Variants in PHLDB3 observed in about 807,000 individuals in gnomAD.
PHLDB3 encodes the protein pleckstrin homology-like domain family B member 3.
PHLDB3 carries 86 observed loss-of-function variants against 85.7 expected under a neutral mutation model. The ratio of observed to expected loss-of-function variants is 1.00; its 90% confidence interval spans 0.84 to 1.20. The LOEUF is 1.20. PHLDB3 is among the 50% of genes most tolerant of loss of function. PHLDB3 has a pLI of 0.00. For synonymous variants in PHLDB3, 376 were observed against 349.8 expected, an observed-to-expected ratio of 1.07 and a Z score of -0.83; for missense variants, 995 against 873.0, an observed-to-expected ratio of 1.14 and a Z score of -1.76.
chr19:43,496,016 CT>C (rs199561319), intron 6 of PHLDB3: 31,920 of 139,926 alleles, frequency 0.23, 3,485 homozygotes, highest in East Asian at 0.4. Flanking sequence ...AAGAAAAGCT[CT>C]TTTTTTTTTT....
chr19:43,499,968 G>A (rs1009729230), intron 4 of PHLDB3, among the ~76,000 whole-genome samples: 4 of 151,938 alleles, frequency 2.6e-5, no homozygotes, highest in African/African-American at 9.7e-5. Flanking sequence ...CTCGAACTGC[G>A]GTGGCTCATA....
rs747241270 is a variant in PHLDB3, at chr19:43,487,104, C to G, written c.1169G>C (p.Arg390Thr). 3 of 1,565,534 alleles carry G rather than the reference C, an allele frequency of 1.9e-6. No homozygotes were observed. The highest frequency in any genetic ancestry group is 2.6e-6 in the Non-Finnish European group (3 of 1,154,530). ...CCTTTTCCGGGGCAGGCTCCCAGTC[C>G]TCTGGAGGCCAATGGAGCCCTGAAA... ...SSLQGSIGLQ[R>T]TGSLPRKRGE... is the part of the protein sequence containing the mutation. The change falls in exon 10 of 16, where the codon AGG becomes ACG. Residue 390 changes from arginine (R) to threonine (T), a missense_variant. Physicochemically the swap from Arg to Thr is moderately conservative, Grantham distance 71. Coordinates refer to ENST00000292140, the MANE Select transcript of PHLDB3 (RefSeq NM_198850.4).
rs758631886 is a variant in PHLDB3, at chr19:43,495,601, C to T, written c.845G>A (p.Arg282Gln). The T allele has an allele frequency of 6.8e-6, 11 of 1,609,548 alleles. No homozygotes were observed. The highest frequency in any genetic ancestry group is 5.3e-5 in the African/African-American group (4 of 74,818). ...GAGCTGCTCTTCCAGGACCCGGATC[C>T]GGTGCTGCAGAGCACCCCTCTGTCC... is the stretch of plus-strand genomic sequence containing the variant. ...AQHRRGALQH[R>Q]IRVLEEQLKS... Residue 282 changes from arginine to glutamine, a missense_variant, in exon 7 of 16, where the codon CGG becomes CAG. Coordinates refer to ENST00000292140, the MANE Select transcript of PHLDB3 (RefSeq NM_198850.4).
At position 43,486,845 on chromosome 19, in the gene PHLDB3, C is replaced by T. The variant is rs116010541; in HGVS notation, c.1275G>A (p.Pro425=). ...CTESLEASAL[P]PAVGDSGRYP... ...ATCTGCCGGAGTCCCCCACTGCTGG[C>T]GGGAGAGCTGAGGCCTCCAGGGATT... The change falls in exon 11 of 16, where the codon CCG becomes CCA. Residue 425 remains proline (P), a synonymous_variant. Transcript: ENST00000292140. The T allele has an allele frequency of 1.1e-3, 1,705 of 1,573,016 alleles. 12 individuals carry two copies. The African/African-American group carries it at 0.02, about 19-fold the overall frequency.
rs1195957995 is a variant in PHLDB3 at position 43,497,759 on chromosome 19, C to A, written c.652G>T (p.Gly218Cys). 1 of 1,552,012 alleles carries A rather than the reference C, an allele frequency of 6.4e-7. No individual in the cohort carries two copies. Among genetic ancestry groups the A allele is most frequent in the Non-Finnish European group, 8.7e-7 (1 of 1,147,238 alleles). The change falls in exon 5 of 16, where the codon GGT becomes TGT. Residue 218 changes from glycine (G) to cysteine (C), a missense_variant. Coordinates refer to ENST00000292140, the MANE Select transcript of PHLDB3 (RefSeq NM_198850.4). ...PEDQRERLLQ[G>C]VQEMREQLDV... ...CCAGATGCCATTACCTCCTGCACAC[C>A]CTGCAGAAGCCGCTCGCGTTGGTCC...
At chr19:43,487,222 C>A in intron 9 of PHLDB3, 99 bp from the exon 10 acceptor site, 2 of 925,028 alleles carry the variant, frequency 2.2e-6, no homozygotes, top group South Asian at 2.9e-5. Context: ...CAGCACAAAT[C>A]AAAACACTAC....
chr19:43,490,248 T>G (rs1304864415), intron 9 of PHLDB3, among the ~76,000 whole-genome samples: 1 of 151,784 alleles, frequency 6.6e-6, no homozygotes, highest in Non-Finnish European at 1.5e-5. Flanking sequence ...ATTTAGGGGT[T>G]AAGGGGAATC....
chr19:43,479,444 G>A lies in PHLDB3; in HGVS notation c.1635C>T (p.Arg545=), dbSNP rs754440570. Residue 545 remains arginine (R), a synonymous_variant, in exon 14 of 16, where the codon CGC becomes CGT. Coordinates refer to ENST00000292140, the MANE Select transcript of PHLDB3 (RefSeq NM_198850.4). ...ACCATCGCTTCCTCCAGGTCTTGAT[G>A]CGGCCGCCCATCTTCACCAGGGGTC... ...CRGPLVKMGG[R]IKTWRKRWFC... 24 of 1,566,784 alleles carry A rather than the reference G, an allele frequency of 1.5e-5. No homozygotes were observed. The highest frequency in any genetic ancestry group is 1.9e-5 in the Admixed American group (1 of 52,950).
In PHLDB3 at chr19:43,487,030, A is replaced by C; in HGVS notation, c.1243T>G (p.Cys415Gly). The C allele has an allele frequency of 6.4e-7, 1 of 1,566,664 alleles. No individual in the cohort carries two copies. The highest frequency in any genetic ancestry group is 8.6e-7 in the Non-Finnish European group (1 of 1,159,072). The change falls in exon 10 of 16, where the codon TGT becomes GGT. Residue 415 changes from cysteine (C) to glycine (G), a missense_variant. Physicochemically the swap from Cys to Gly is radical, Grantham distance 159 (BLOSUM62 -3). Coordinates refer to ENST00000292140, the MANE Select transcript of PHLDB3 (RefSeq NM_198850.4). ...GGAACAGGGGGATCCTCACCAGTAC[A>C]ATGGAAGGACAGAGGTCGGGGGGAT... is the stretch of plus-strand genomic sequence containing the variant. ...RGSPRPLSFH[C>G]TESLEASALP...
chr19:43,481,475 A>G (rs1216275406), intron 13 of PHLDB3, among the ~76,000 whole-genome samples: 5 of 152,082 alleles, frequency 3.3e-5, no homozygotes, highest in Admixed American at 2.0e-4. Context: ...AAAATTAGCC[A>G]GGCGTGGTGG....
chr19:43,487,116 A>T lies in PHLDB3; in HGVS notation c.1157T>A (p.Ile386Asn). ...FSVHSSLQGS[I>N]GLQRTGSLPR... ...CAGGCTCCCAGTCCTCTGGAGGCCA[A>T]TGGAGCCCTGAAAACACAAAAGGCT... Residue 386 changes from isoleucine to asparagine, a missense_variant, in exon 10 of 16, where the codon ATT becomes AAT. Transcript: ENST00000292140. 1 of 1,560,108 alleles carries T rather than the reference A, an allele frequency of 6.4e-7. No homozygotes were observed. Among genetic ancestry groups the T allele is most frequent in the South Asian group, 1.2e-5 (1 of 84,644 alleles).
In PHLDB3 at chr19:43,501,876, G is replaced by A. The variant is rs987167939; in HGVS notation, c.397-5C>T. 1 of 1,589,050 alleles carries A rather than the reference G, an allele frequency of 6.3e-7. No homozygotes were observed. The highest frequency in any genetic ancestry group is 8.6e-7 in the Non-Finnish European group (1 of 1,167,976). On this transcript the variant is annotated splice_region_variant and splice_polypyrimidine_tract_variant and intron_variant, in intron 3 of 15. Transcript: ENST00000292140. The stretch of plus-strand genomic sequence containing the variant: ...CAAGGCCACCTCCACCTCCATCTGC[G>A]GAGAGAATGCCAGGGCTGGGGGCTC...
chr19:43,502,064 G>A lies in PHLDB3; in HGVS notation c.396+37C>T, dbSNP rs375681003. ...GTCCGGCTTTGCGGGTTCCGCTTGA[G>A]TTGGGGCCAGGCTTCCCAAGGGGTC... On this transcript the variant is annotated intron_variant, in intron 3 of 15. Coordinates refer to ENST00000292140, the MANE Select transcript of PHLDB3 (RefSeq NM_198850.4). 3.1e-5 allele frequency: 48 copies of A among 1,544,660 alleles called. No individual in the cohort carries two copies. In the African/African-American group the frequency reaches 6.0e-4, roughly 19 times the overall value.
chr19:43,475,444 A>T lies in PHLDB3; in HGVS notation c.1889T>A (p.Ile630Asn), dbSNP rs780542120. ...GTGGTTTTCGTCAGCGGCGGTCACG[A>T]TGACGTCCATCCAAATGCGCATGGC... Reference protein sequence around the residue: ...PEAMRIWMDVIVTAADENHAP With the variant: ...PEAMRIWMDVNVTAADENHAP The change falls in exon 16 of 16, where the codon ATC (isoleucine) becomes AAC (asparagine). Residue 630 changes from isoleucine to asparagine, a missense_variant. Transcript: ENST00000292140. The T allele has an allele frequency of 1.9e-6, 3 of 1,613,918 alleles. No homozygotes were observed. Among genetic ancestry groups the T allele is most frequent in the Non-Finnish European group, 2.5e-6 (3 of 1,179,834 alleles).
chr19:43,504,225 C>A, intron 1 of PHLDB3, 93 bp from the exon 2 acceptor site: 12 of 1,172,314 alleles, frequency 1.0e-5, no homozygotes, highest in African/African-American at 1.6e-5. Context: ...GACCCCCCCC[C>A]AAGGAGGCGG....
chr19:43,502,129 T>TGTAGCTC lies in PHLDB3; in HGVS notation c.361_367dup (p.Gln123ArgfsTer23). 6.3e-7 allele frequency: 1 copy of TGTAGCTC among 1,579,744 alleles called. No homozygotes were observed. The highest frequency in any genetic ancestry group is 8.6e-7 in the Non-Finnish European group (1 of 1,163,422). On this transcript the variant is annotated frameshift_variant, in exon 3 of 16. Transcript: ENST00000292140. LOFTEE classifies it high-confidence loss of function. The stretch of plus-strand genomic sequence containing the variant: ...GATCCTCAGCTCCTTCCTCTGGCGC[T>TGTAGCTC]GTAGCTCCTTCACTCGCTGCTCCAT...
Position 43,475,341 on chromosome 19 carries a change from C to T in PHLDB3, c.*69G>A. 1 of 1,579,882 alleles carries T rather than the reference C, an allele frequency of 6.3e-7. No homozygotes were observed. Among genetic ancestry groups the T allele is most frequent in the Non-Finnish European group, 8.6e-7 (1 of 1,161,230 alleles). On this transcript the variant is annotated 3_prime_UTR_variant, in exon 16 of 16. Coordinates refer to ENST00000292140, the MANE Select transcript of PHLDB3 (RefSeq NM_198850.4). ...CAAGTTTTCCGGCAGTGGGCGGGGC[C>T]TAGGAACGCCCCCGCGCCCCGCGCC...
At chr19:43,480,104 GA>G (rs1011994610) in intron 13 of PHLDB3, among the ~76,000 whole-genome samples, 92 of 145,572 alleles carry the variant, frequency 6.3e-4, no homozygotes, top group Middle Eastern at 3.6e-3. Flanking sequence ...TCCTGTCTCT[GA>G]AAAAAAAAAA....
intron 2 of PHLDB3, among the ~76,000 whole-genome samples, chr19:43,503,308 CTCT>C (rs1971663621): frequency 9.3e-6 from 1 of 107,658 alleles, no homozygotes; most frequent in African/African-American, 3.6e-5. Flanking sequence ...CTCTCTCTCT[CTCT>C]CTCTCATTTT....
Sources: allele counts gnomAD v4.1 joint callset (sites outside exome capture counted in the v4.1 genomes callset), GRCh38; gene constraint gnomAD v4.1.1; transcripts MANE v1.5; gene names NCBI Gene and HGNC (gene_info 2026-07-23, HGNC 2026-07-21).